FHL3: variants seen among roughly 807,000 people sequenced by gnomAD.
FHL3 encodes the protein four and a half LIM domains protein 3.
Under a neutral mutation model 34.3 loss-of-function variants are expected in FHL3, and 21 were observed. That is an observed-to-expected ratio of 0.61 (90% CI 0.43 to 0.88). The LOEUF (loss-of-function observed/expected upper bound fraction) is 0.88. Among genes scored for constraint, FHL3 ranks in the 40% least tolerant of loss-of-function variants. The pLI is 0.00. For missense variants in FHL3, 333 were observed against 373.7 expected (o/e 0.89, Z 0.90); for synonymous variants, 137 against 144.6 (o/e 0.95, Z 0.38).
intron 1 of FHL3, among the ~76,000 whole-genome samples, chr1:38,004,896 A>C (rs1646628372): frequency 6.6e-6 from 1 of 151,724 alleles, no homozygotes; most frequent in Admixed American, 6.6e-5. Flanking sequence ...ATGCTCCACA[A>C]AGCCTAGGAC....
chr1:38,002,771 C>CT (rs1285518776), intron 1 of FHL3, among the ~76,000 whole-genome samples: 2 of 149,686 alleles, frequency 1.3e-5, no homozygotes, highest in African/African-American at 5.0e-5. Context: ...TCCGCTCAGC[C>CT]TTTTTGTTTT....
chr1:38,002,972 A>G (rs1362586916), intron 1 of FHL3, among the ~76,000 whole-genome samples: 2 of 151,788 alleles, frequency 1.3e-5, no homozygotes, highest in African/African-American at 2.4e-5. Context: ...AGCCTGGCCA[A>G]CATGGTGAAA....
intron 3 of FHL3, 115 bp downstream of exon 3, chr1:37,998,859 A>C (rs1407128414): frequency 9.2e-7 from 1 of 1,087,268 alleles, no homozygotes; most frequent in Non-Finnish European, 1.3e-6. Context: ...ATTTCCAGAA[A>C]CATGCTGTGT....
intron 3 of FHL3, 145 bp downstream of exon 3, chr1:37,998,829 A>T: frequency 1.3e-6 from 1 of 798,104 alleles, no homozygotes; most frequent in East Asian, 2.7e-5. Flanking sequence ...TACCAGGCAA[A>T]CAGATCCCGT....
Position 37,998,445 on chromosome 1 carries a change from T to C in FHL3, c.332-313A>G, listed in dbSNP as rs564630668. ...AGTCTCACTAAGAGCTAAGCCCTCA[T>C]ATAACAGATGTGATGATTTTAGCAC... is the stretch of plus-strand genomic sequence containing the variant. On this transcript the variant is annotated intron_variant, in intron 3 of 5. Transcript: ENST00000373016. Among the ~76,000 whole-genome samples the C allele has an allele frequency of 2.0e-5, 3 of 152,226 alleles. No individual in the cohort carries two copies. In the South Asian group the frequency reaches 6.2e-4, roughly 32 times the overall value.
chr1:38,004,399 C>T (rs1476041326), intron 1 of FHL3, among the ~76,000 whole-genome samples: 1 of 152,152 alleles, frequency 6.6e-6, no homozygotes, highest in Non-Finnish European at 1.5e-5. Flanking sequence ...TGTTTCCCCA[C>T]AGCCTCACCT....
At chr1:38,003,047 A>G (rs1316114280) in intron 1 of FHL3, among the ~76,000 whole-genome samples, 2 of 151,982 alleles carry the variant, frequency 1.3e-5, no homozygotes, top group Non-Finnish European at 2.9e-5. Flanking sequence ...AAGCCCAGCT[A>G]CTCAGGAGGC....
At chr1:38,002,305 A>G (rs1275188346) in intron 1 of FHL3, among the ~76,000 whole-genome samples, 2 of 151,882 alleles carry the variant, frequency 1.3e-5, no homozygotes, top group African/African-American at 2.4e-5. Flanking sequence ...TCACTGTGTT[A>G]GTCAGGATGG....
intron 1 of FHL3, among the ~76,000 whole-genome samples, chr1:37,999,779 G>A (rs777949659): frequency 2.0e-5 from 3 of 152,200 alleles, no homozygotes; most frequent in Non-Finnish European, 2.9e-5. Flanking sequence ...TGTCCCCAGC[G>A]TGGGAGAAGC....
In FHL3 at chr1:37,997,925, G is replaced by A. The variant is rs746282274; in HGVS notation, c.501+38C>T. ...GAGTGGGGATTCCCACCCCACAACA[G>A]GCCTCACTCACCCCCACCTGGCTGG... On this transcript the variant is annotated intron_variant, in intron 4 of 5. Transcript: ENST00000373016. The surrounding 1 kb of genome is among the most constrained non-coding windows in gnomAD (Gnocchi z 4.3). 5.0e-6 allele frequency: 8 copies of A among 1,613,856 alleles called. No individual in the cohort carries two copies. The South Asian group carries it at 5.5e-5, about 11-fold the overall frequency.
chr1:38,002,314 G>A (rs917404320), intron 1 of FHL3, among the ~76,000 whole-genome samples: 1 of 151,944 alleles, frequency 6.6e-6, no homozygotes, highest in African/African-American at 2.4e-5. Context: ...TAGTCAGGAT[G>A]GTCTCGAACT....
chr1:37,999,941 C>T (rs184946929), intron 1 of FHL3, among the ~76,000 whole-genome samples: 9 of 152,218 alleles, frequency 5.9e-5, no homozygotes, highest in African/African-American at 2.2e-4. Flanking sequence ...CTGTGCCTGC[C>T]CCTCCTGATC....
Position 37,999,530 on chromosome 1 carries a change from C to T in FHL3, c.-20-98G>A, listed in dbSNP as rs192176028. 131 of 1,181,922 alleles carry T rather than the reference C, an allele frequency of 1.1e-4. 1 individual carries two copies. The highest frequency in any genetic ancestry group is 1.1e-4 in the Non-Finnish European group (93 of 836,440). The allele number at this position is 1,181,922 out of a possible 1,614,324, so 73.2% of individuals were successfully genotyped here. A position where few individuals can be genotyped will look rare whatever the true frequency, so the allele number is the denominator to read the frequency against. ...GCATTCAAAACACAGCCAAGAGACCCGGCATAGGAAATGCCAGTTCAGAGT... is the reference window on the plus strand; with the variant it reads ...GCATTCAAAACACAGCCAAGAGACCTGGCATAGGAAATGCCAGTTCAGAGT... On this transcript the variant is annotated intron_variant, in intron 1 of 5. Coordinates refer to ENST00000373016, the MANE Select transcript of FHL3 (RefSeq NM_004468.5).
intron 1 of FHL3, among the ~76,000 whole-genome samples, chr1:38,001,256 C>G (rs1455192149): frequency 6.6e-6 from 1 of 152,248 alleles, no homozygotes; most frequent in Non-Finnish European, 1.5e-5. Flanking sequence ...CACTCAGGCC[C>G]AGGTTTCCTC....
chr1:38,002,610 G>A (rs977998950), intron 1 of FHL3, among the ~76,000 whole-genome samples: 23 of 144,882 alleles, frequency 1.6e-4, no homozygotes, highest in African/African-American at 3.4e-4. Flanking sequence ...ACTCCATCTC[G>A]GCTCACTGCA....
intron 1 of FHL3, 73 bp from the exon 2 acceptor site, chr1:37,999,505 G>A (rs748353050): frequency 6.9e-7 from 1 of 1,440,282 alleles, no homozygotes; most frequent in Non-Finnish European, 9.5e-7. Context: ...AGAGGCCTCT[G>A]CATTCAAAAC....
rs1417550006 is a variant in FHL3, at chr1:37,997,747, A to G, written c.625T>C (p.Cys209Arg). Residue 209 changes from cysteine (C) to arginine (R), a missense_variant, in exon 5 of 6, where the codon TGT becomes CGT. Coordinates refer to ENST00000373016, the MANE Select transcript of FHL3 (RefSeq NM_004468.5). The surrounding 1 kb of genome is among the most constrained non-coding windows in gnomAD (Gnocchi z 4.3). ...QFTSRDEDPY[C>R]VACFGELFAP... Reference sequence around the variant, plus strand: ...AAGAGTTCTCCAAAACAGGCCACACAGTAGGGATCTTCATCCCGGGAGGTG... The same window carrying G: ...AAGAGTTCTCCAAAACAGGCCACACGGTAGGGATCTTCATCCCGGGAGGTG... 6.2e-7 allele frequency: 1 copy of G among 1,614,090 alleles called. No homozygotes were observed. Among genetic ancestry groups the G allele is most frequent in the Non-Finnish European group, 8.5e-7 (1 of 1,180,032 alleles).
intron 1 of FHL3, among the ~76,000 whole-genome samples, chr1:38,003,459 G>GC (rs1365355279): frequency 6.6e-6 from 1 of 152,192 alleles, no homozygotes; most frequent in Admixed American, 6.5e-5. Context: ...AGAATAGGGG[G>GC]CCCCAGGCCC....
chr1:37,998,118 C>T lies in FHL3; in HGVS notation c.346G>A (p.Glu116Lys). 1 of 1,614,002 alleles carries T rather than the reference C, an allele frequency of 6.2e-7. No homozygotes were observed. Among genetic ancestry groups the T allele is most frequent in the Non-Finnish European group, 8.5e-7 (1 of 1,179,934 alleles). Residue 116 changes from glutamate (E) to lysine (K), a missense_variant, in exon 4 of 6, where the codon GAA becomes AAA. Transcript: ENST00000373016. Reference protein sequence around the residue: ...ETVMPGSRKLEYGGQTWHEHC... With the variant: ...ETVMPGSRKLKYGGQTWHEHC... Reference sequence around the variant, plus strand: ...TCATGCCATGTCTGGCCTCCATATTCCAGCTTCCGGGACCCTGTGGGGAAC... The same window carrying T: ...TCATGCCATGTCTGGCCTCCATATTTCAGCTTCCGGGACCCTGTGGGGAAC...
Sources: gnomAD v4.1 joint callset for allele counts (sites outside exome capture counted in the v4.1 genomes callset) on GRCh38, gnomAD v4.1.1 for gene constraint, Gnocchi (gnomAD v3.1) non-coding constraint, MANE v1.5 for transcripts, NCBI Gene and HGNC (gene_info 2026-07-23, HGNC 2026-07-21) for gene names.